Variants in MUSK observed in about 807,000 individuals in gnomAD.
MUSK encodes muscle associated receptor tyrosine kinase, also known as muscle, skeletal receptor tyrosine-protein kinase.
A neutral mutation model predicts 88.7 loss-of-function variants in MUSK; 55 were observed. The observed-to-expected ratio is 0.62, with a 90% CI of 0.50 to 0.78. MUSK has a LOEUF of 0.78. MUSK is among the 30% of genes least tolerant of loss of function. The probability of loss-of-function intolerance (pLI) is 0.00; values close to 1 mark genes in which losing one functional copy is unlikely to be tolerated. For missense variants in MUSK, 1,015 were observed against 1,074.3 expected, an observed-to-expected ratio of 0.94 and a Z score of 0.77; for synonymous variants, 387 against 391.9, an observed-to-expected ratio of 0.99 and a Z score of 0.15.
intron 14 of MUSK, among the ~76,000 whole-genome samples, chr9:110,797,292 CA>C (rs111652297): frequency 0.39 from 56,968 of 146,210 alleles, 11,489 homozygotes; most frequent in Middle Eastern, 0.49. Flanking sequence ...AACAAACAAA[CA>C]AAAAAAAAGT....
intron 3 of MUSK, among the ~76,000 whole-genome samples, chr9:110,689,711 C>CTATTTTATATATAAATATA (rs2076273303): frequency 3.1e-5 from 1 of 32,704 alleles, no homozygotes; most frequent in African/African-American, 2.8e-4. Flanking sequence ...AAATATATAA[C>CTATTTTATATATAAATATA]TATATATGTT....
At chr9:110,760,911 C>T (rs1404223066) in intron 7 of MUSK, among the ~76,000 whole-genome samples, 1 of 152,130 alleles carries the variant, frequency 6.6e-6, no homozygotes, top group African/African-American at 2.4e-5. Flanking sequence ...TGTTACAGCC[C>T]TTAAAAATCC....
intron 7 of MUSK, 23 bp downstream of exon 7, chr9:110,747,823 C>T (rs747189963): frequency 9.3e-6 from 15 of 1,611,838 alleles, no homozygotes; most frequent in Admixed American, 3.3e-5. Context: ...TTCACATTTG[C>T]GTTGTTCCAG....
At chr9:110,754,989 G>A (rs895666231) in intron 7 of MUSK, among the ~76,000 whole-genome samples, 7 of 152,144 alleles carry the variant, frequency 4.6e-5, no homozygotes, top group Non-Finnish European at 7.3e-5. Flanking sequence ...TGATCAAAAT[G>A]ACAATCCTAT....
At chr9:110,730,713 A>G (rs1380497212) in intron 5 of MUSK, among the ~76,000 whole-genome samples, 1 of 152,068 alleles carries the variant, frequency 6.6e-6, no homozygotes. Context: ...AATTTCCCTC[A>G]TCACCTTTTT....
At chr9:110,746,154 T>A (rs1321581546) in intron 6 of MUSK, among the ~76,000 whole-genome samples, 5 of 152,188 alleles carry the variant, frequency 3.3e-5, no homozygotes, top group Admixed American at 6.5e-5. Flanking sequence ...TAAGATAAAG[T>A]CAAAGCATAA....
At chr9:110,734,508 T>C in intron 6 of MUSK, 133 bp downstream of exon 6, 1 of 1,154,948 alleles carries the variant, frequency 8.7e-7, no homozygotes, top group Non-Finnish European at 1.2e-6. Flanking sequence ...AGCCTCCCAA[T>C]ATCTTTGTCC....
intron 1 of MUSK, among the ~76,000 whole-genome samples, chr9:110,671,222 G>A (rs895599893): frequency 1.3e-5 from 2 of 151,936 alleles, no homozygotes; most frequent in Admixed American, 6.6e-5. Context: ...TGCCTGCCTC[G>A]GCCTCCCAAA....
intron 5 of MUSK, among the ~76,000 whole-genome samples, chr9:110,713,769 A>C (rs961046518): frequency 6.6e-6 from 1 of 152,110 alleles, no homozygotes; most frequent in Non-Finnish European, 1.5e-5. Context: ...TTCCAACTAA[A>C]ATTTCCGGTT....
At chr9:110,761,010 T>G (rs1357215030) in intron 7 of MUSK, among the ~76,000 whole-genome samples, 5 of 152,196 alleles carry the variant, frequency 3.3e-5, no homozygotes, top group Admixed American at 3.3e-4. Context: ...GCAAATTGGT[T>G]TTAGACAAAG....
intron 7 of MUSK, 93 bp from the exon 8 acceptor site, chr9:110,762,109 A>G: frequency 8.6e-7 from 1 of 1,167,716 alleles, no homozygotes; most frequent in Non-Finnish European, 1.1e-6. Context: ...TATCAAAACA[A>G]TCTCAGCCAA....
rs1030218862 is a variant in MUSK at position 110,802,597 on chromosome 9, A to C, written c.*1609A>C. ...CATAGTGTCTCCAGGCAACCAAGACAAAAATGTAGAAATTTTCCTAGACTT... is the reference window on the plus strand; with the variant it reads ...CATAGTGTCTCCAGGCAACCAAGACCAAAATGTAGAAATTTTCCTAGACTT... On this transcript the variant is annotated 3_prime_UTR_variant, in exon 15 of 15. Transcript: ENST00000374448. 1.3e-5 allele frequency among the ~76,000 whole-genome samples: 2 copies of C among 152,196 alleles called. No individual in the cohort carries two copies. Among genetic ancestry groups the C allele is most frequent in the African/African-American group, 4.8e-5 (2 of 41,442 alleles).
intron 6 of MUSK, among the ~76,000 whole-genome samples, chr9:110,740,453 A>G (rs550542543): frequency 5.3e-5 from 8 of 152,208 alleles, no homozygotes; most frequent in Admixed American, 3.3e-4. Context: ...AGCGCCAAAA[A>G]TCCCAGAGTG....
At chr9:110,706,753 C>T (rs35497459) in intron 5 of MUSK, among the ~76,000 whole-genome samples, 20,022 of 152,164 alleles carry the variant, frequency 0.13, 1,774 homozygotes, top group Non-Finnish European at 0.18. Context: ...CCTGTCATCT[C>T]GGCACTTTGG....
chr9:110,690,445 TATATAA>T (rs1564220176), intron 3 of MUSK, among the ~76,000 whole-genome samples: 33 of 48,640 alleles, frequency 6.8e-4, no homozygotes, highest in African/African-American at 4.4e-3. Context: ...AATATAAGTA[TATATAA>T]ATATATATTT....
intron 6 of MUSK, among the ~76,000 whole-genome samples, chr9:110,739,500 A>G (rs1165509575): frequency 6.6e-6 from 1 of 152,200 alleles, no homozygotes; most frequent in Non-Finnish European, 1.5e-5. Context: ...AACGTGGCCT[A>G]GGATTCCAAG....
chr9:110,768,807 A>G (rs937978409), intron 9 of MUSK, among the ~76,000 whole-genome samples: 2 of 152,286 alleles, frequency 1.3e-5, no homozygotes, highest in Middle Eastern at 3.4e-3. Context: ...ATTCCATCCA[A>G]AATTCTAAGT....
chr9:110,707,661 T>A (rs1030432672), intron 5 of MUSK, among the ~76,000 whole-genome samples: 2 of 152,176 alleles, frequency 1.3e-5, no homozygotes, highest in African/African-American at 4.8e-5. Context: ...CAGCAATTGC[T>A]GGTGGGAAGA....
intron 3 of MUSK, among the ~76,000 whole-genome samples, chr9:110,689,152 TATAAAATATAA>T (rs2076243575): frequency 8.0e-6 from 1 of 125,742 alleles, no homozygotes; most frequent in African/African-American, 3.2e-5. Flanking sequence ...TATATATTTA[TATAAAATATAA>T]ATAAACTATA....
Sources: allele counts gnomAD v4.1 joint callset (sites outside exome capture counted in the v4.1 genomes callset), GRCh38; gene constraint gnomAD v4.1.1; transcripts MANE v1.5; gene names NCBI Gene and HGNC (gene_info 2026-07-23, HGNC 2026-07-21).